The following FUT6 variants were observed in gnomAD, a reference collection of about 807,000 sequenced individuals.
The protein encoded by FUT6 is 4-galactosyl-N-acetylglucosaminide 3-alpha-L-fucosyltransferase FUT6.
For synonymous variants in FUT6, 187 were observed against 209.9 expected (o/e 0.89, Z 0.94); for missense variants, 454 against 494.6 (o/e 0.92, Z 0.78).
At position 5,830,950 on chromosome 19, in the gene FUT6, G is replaced by C. The variant is rs375251723; in HGVS notation, c.*538C>G. On this transcript the variant is annotated 3_prime_UTR_variant, in exon 3 of 3. Transcript: ENST00000318336. The stretch of plus-strand genomic sequence containing the variant: ...GTATTACATCTGGAAACGGTGCGGT[G>C]ATTATCTCTCTGCACCCCTCACAGG... The C allele has an allele frequency of 3.9e-3, 1,324 of 336,892 alleles. 39 individuals carry two copies. Among genetic ancestry groups the C allele is most frequent in the South Asian group, 0.037 (1,282 of 34,872 alleles). 20.9% of individuals were successfully genotyped at this position (336,892 alleles called of 1,614,324 possible).
At position 5,832,438 on chromosome 19, in the gene FUT6, A is replaced by T. The variant is rs1213273365; in HGVS notation, c.130T>A (p.Tyr44Asn). 7.4e-6 allele frequency: 12 copies of T among 1,613,990 alleles called. No homozygotes were observed. Among genetic ancestry groups the T allele is most frequent in the Non-Finnish European group, 9.3e-6 (11 of 1,180,014 alleles). ...LRVSQDDPTV[Y>N]PNGSRFPDST... ...TCTGGGAAGCGGGACCCATTAGGGT[A>T]CACAGTGGGATCGTCTTGAGACACA... The change falls in exon 3 of 3, where the codon TAC becomes AAC. Residue 44 changes from tyrosine to asparagine, a missense_variant. Transcript: ENST00000318336. The surrounding 1 kb of genome is among the most constrained non-coding windows in gnomAD (Gnocchi z 4.3).
In FUT6 at chr19:5,831,870, A is replaced by G. The variant is rs901237453; in HGVS notation, c.698T>C (p.Met233Thr). 1.9e-6 allele frequency: 3 copies of G among 1,613,746 alleles called. No individual in the cohort carries two copies. Among genetic ancestry groups the G allele is most frequent in the Non-Finnish European group, 2.5e-6 (3 of 1,179,866 alleles). The stretch of plus-strand genomic sequence containing the variant: ...CTTGTACCGGGACAGCGTCTCCATC[A>G]TGGTTCCCTGGGGCAGGGGCTTGTG... ...RSHKPLPQGTMMETLSRYKFY... is the reference protein window; with the variant it reads ...RSHKPLPQGTTMETLSRYKFY... The change falls in exon 3 of 3, where the codon ATG becomes ACG. Residue 233 changes from methionine (M) to threonine (T), a missense_variant. Coordinates refer to ENST00000318336, the MANE Select transcript of FUT6 (RefSeq NM_000150.4). This position sits in a 1 kb window ranked among gnomAD's most constrained non-coding sequence, Gnocchi z 7.0.
Position 5,831,287 on chromosome 19 carries a change from C to T in FUT6, c.*201G>A. 8.2e-7 allele frequency: 1 copy of T among 1,221,336 alleles called. No individual in the cohort carries two copies. The highest frequency in any genetic ancestry group is 1.2e-6 in the Non-Finnish European group (1 of 834,024). The allele number at this position is 1,221,336 out of a possible 1,614,324, so 75.7% of individuals were successfully genotyped here. A position where few individuals can be genotyped will look rare whatever the true frequency, so the allele number is the denominator to read the frequency against. ...CATACCTGGCCACCGAAGACTCCAG[C>T]AGGTGAGGCCCCAGGAAAGTGAGGA... On this transcript the variant is annotated 3_prime_UTR_variant, in exon 3 of 3. Transcript: ENST00000318336. This position sits in a 1 kb window ranked among gnomAD's most constrained non-coding sequence, Gnocchi z 7.0.
intron 2 of FUT6, 183 bp downstream of exon 2, chr19:5,834,757 ACCACTGCACT>A (rs1022675100): frequency 5.6e-4 from 85 of 152,362 alleles, no homozygotes; most frequent in African/African-American, 2.0e-3. Flanking sequence ...CCTGGATCAC[ACCACTGCACT>A]CCAGCAGCCT....
At chr19:5,833,097 G>T (rs935355428) in intron 2 of FUT6, among the ~76,000 whole-genome samples, 3 of 152,208 alleles carry the variant, frequency 2.0e-5, no homozygotes. Flanking sequence ...GGCCTAGTGG[G>T]GAGAGACCCC....
rs2057076223 is a variant in FUT6 at position 5,830,625 on chromosome 19, T to TTTTTTTA, written c.*862_*863insTAAAAAA. On this transcript the variant is annotated 3_prime_UTR_variant, in exon 3 of 3. Transcript: ENST00000318336. ...TTTTTTTTTTTTTTTTTTTTTTTTT[T>TTTTTTTA]GAGACAGAGTCTCGCTCTGTCGCCA... is the stretch of plus-strand genomic sequence containing the variant. 7.2e-6 allele frequency: 1 copy of TTTTTTTA among 138,646 alleles called. No individual in the cohort carries two copies. The highest frequency in any genetic ancestry group is 2.8e-5 in the African/African-American group (1 of 36,274). The allele number at this position is 138,646 out of a possible 1,614,324, so 8.6% of individuals were successfully genotyped here.
intron 2 of FUT6, among the ~76,000 whole-genome samples, chr19:5,833,840 A>G (rs1463089777): frequency 3.9e-5 from 6 of 152,026 alleles, no homozygotes; most frequent in African/African-American, 1.4e-4. Flanking sequence ...TTCATTCAAT[A>G]AGCACTCAGG....
chr19:5,831,501 G>A lies in FUT6; in HGVS notation c.1067C>T (p.Ala356Val), dbSNP rs1231453241. 2 of 1,614,080 alleles carry A rather than the reference G, an allele frequency of 1.2e-6. No individual in the cohort carries two copies. The highest frequency in any genetic ancestry group is 3.3e-5 in the Admixed American group (2 of 60,030). ...ESRYQTRGIA[A>V]WFT ...CACACCAGCCTCTCAGGTGAACCAAGCCGCTATGCCGCGTGTCTGGTACCT... is the reference window on the plus strand; with the variant it reads ...CACACCAGCCTCTCAGGTGAACCAAACCGCTATGCCGCGTGTCTGGTACCT... Residue 356 changes from alanine to valine, a missense_variant, in exon 3 of 3, where the codon GCT (alanine) becomes GTT (valine). Physicochemically the swap from Ala to Val is moderately conservative, Grantham distance 64 (BLOSUM62 0). Transcript: ENST00000318336. This position sits in a 1 kb window ranked among gnomAD's most constrained non-coding sequence, Gnocchi z 7.0.
Position 5,831,632 on chromosome 19 carries a change from G to A in FUT6, c.936C>T (p.His312=), listed in dbSNP as rs148596155. 1.7e-4 allele frequency: 280 copies of A among 1,613,558 alleles called. No homozygotes were observed. Among genetic ancestry groups the A allele is most frequent in the Non-Finnish European group, 1.7e-4 (196 of 1,179,984 alleles). The change falls in exon 3 of 3, where the codon CAC becomes CAT. Residue 312 remains histidine, a synonymous_variant. Coordinates refer to ENST00000318336, the MANE Select transcript of FUT6 (RefSeq NM_000150.4). The surrounding 1 kb of genome is among the most constrained non-coding windows in gnomAD (Gnocchi z 7.0). ...AGCGAAAGTAGCTCAGGTAGCGGGC[G>A]TGGTCCTTGTCCAGCTCCTGCAGGT... ...ARYLQELDKD[H]ARYLSYFRWR...
At position 5,831,025 on chromosome 19, in the gene FUT6, GGGC is replaced by G. The variant is rs1186490683; in HGVS notation, c.*460_*462del. ...CAGCCAGAACCATCACTCATGGGTG[GGGC>G]CCCATGGGTGCCAGTTCCCAGGGCC... On this transcript the variant is annotated 3_prime_UTR_variant, in exon 3 of 3. Transcript: ENST00000318336. This position sits in a 1 kb window ranked among gnomAD's most constrained non-coding sequence, Gnocchi z 7.0. The G allele has an allele frequency of 3.8e-5, 19 of 496,194 alleles. No homozygotes were observed. The Admixed American group carries it at 6.2e-4, about 16-fold the overall frequency. 30.7% of individuals were successfully genotyped at this position (496,194 alleles called of 1,614,324 possible).
chr19:5,836,414 C>T (rs1014062383), intron 1 of FUT6, among the ~76,000 whole-genome samples: 1 of 152,022 alleles, frequency 6.6e-6, no homozygotes, highest in African/African-American at 2.4e-5. Flanking sequence ...TGGGGTTTCA[C>T]CATGTTGTCC....
intron 1 of FUT6, among the ~76,000 whole-genome samples, chr19:5,837,510 G>T (rs778973520): frequency 1.3e-5 from 2 of 151,730 alleles, no homozygotes; most frequent in Non-Finnish European, 2.9e-5. Flanking sequence ...CATGCCTGTA[G>T]TCCCAGCACT....
rs775520609 is a variant in FUT6 at position 5,831,404 on chromosome 19, G to C, written c.*84C>G. 3.1e-6 allele frequency: 5 copies of C among 1,612,770 alleles called. No homozygotes were observed. The African/African-American group carries it at 4.0e-5, about 13-fold the overall frequency. On this transcript the variant is annotated 3_prime_UTR_variant, in exon 3 of 3. Coordinates refer to ENST00000318336, the MANE Select transcript of FUT6 (RefSeq NM_000150.4). This position sits in a 1 kb window ranked among gnomAD's most constrained non-coding sequence, Gnocchi z 7.0. Reference sequence around the variant, plus strand: ...CAGGCAGGTGAAGCTTCAGGCAAACGAGTCCTTAGGTAGATGAGGCCCCCA... The same window carrying C: ...CAGGCAGGTGAAGCTTCAGGCAAACCAGTCCTTAGGTAGATGAGGCCCCCA...
intron 2 of FUT6, among the ~76,000 whole-genome samples, chr19:5,833,915 T>A (rs73536626): frequency 0.073 from 11,039 of 151,842 alleles, 612 homozygotes; most frequent in African/African-American, 0.16. Context: ...GCGGATAACT[T>A]GAGGTCAAGA....
Position 5,831,266 on chromosome 19 carries a change from C to G in FUT6, c.*222G>C. On this transcript the variant is annotated 3_prime_UTR_variant, in exon 3 of 3. Transcript: ENST00000318336. The surrounding 1 kb of genome is among the most constrained non-coding windows in gnomAD (Gnocchi z 7.0). ...TGTGAAATCCCAGGTAAGGGACATA[C>G]CTGGCCACCGAAGACTCCAGCAGGT... 4.0e-6 allele frequency: 4 copies of G among 1,005,904 alleles called. No homozygotes were observed. The highest frequency in any genetic ancestry group is 2.5e-5 in the South Asian group (2 of 79,394). 62.3% of individuals were successfully genotyped at this position (1,005,904 alleles called of 1,614,324 possible).
In FUT6 at chr19:5,832,369, ACAG is replaced by A; in HGVS notation, c.196_198del (p.Leu66del). ...ATGGGTTTGTTAAAAGGCCACGTCC[ACAG>A]CAGGATCAGGGGGATGGAGTGGGCG... On this transcript the variant is annotated inframe_deletion, in exon 3 of 3. Transcript: ENST00000318336. The surrounding 1 kb of genome is among the most constrained non-coding windows in gnomAD (Gnocchi z 4.3). 2 of 1,614,116 alleles carry A rather than the reference ACAG, an allele frequency of 1.2e-6. No individual in the cohort carries two copies. Among genetic ancestry groups the A allele is most frequent in the Non-Finnish European group, 1.7e-6 (2 of 1,180,024 alleles).
At position 5,832,805 on chromosome 19, in the gene FUT6, A is replaced by G. The variant is rs2057125476; in HGVS notation, c.-12-226T>C. ...CCATTAGACAACAGGCCCTTTCTAC[A>G]TGGGCAAGGGTCCCTGGGGAAGTTG... On this transcript the variant is annotated intron_variant, in intron 2 of 2. Transcript: ENST00000318336. The surrounding 1 kb of genome is among the most constrained non-coding windows in gnomAD (Gnocchi z 4.3). 1.8e-6 allele frequency: 1 copy of G among 559,094 alleles called. No individual in the cohort carries two copies. The allele number at this position is 559,094 out of a possible 1,614,324, so 34.6% of individuals were successfully genotyped here.
chr19:5,835,361 T>G (rs1262028318), intron 1 of FUT6, among the ~76,000 whole-genome samples: 1 of 152,180 alleles, frequency 6.6e-6, no homozygotes, highest in Non-Finnish European at 1.5e-5. Context: ...TGTGTCCTGC[T>G]GAGTACACAC....
chr19:5,831,924 T>C lies in FUT6; in HGVS notation c.644A>G (p.His215Arg), dbSNP rs781384523. ...RVRYYQSLQA[H>R]LKVDVYGRSH... ...GCGTCCGTACACGTCCACCTTGAGA[T>C]GGGCCTGCAGGCTCTGGTAGTAGCG... is the stretch of plus-strand genomic sequence containing the variant. Residue 215 changes from histidine (H) to arginine (R), a missense_variant, in exon 3 of 3, where the codon CAT becomes CGT. Coordinates refer to ENST00000318336, the MANE Select transcript of FUT6 (RefSeq NM_000150.4). The surrounding 1 kb of genome is among the most constrained non-coding windows in gnomAD (Gnocchi z 7.0). The C allele has an allele frequency of 6.2e-7, 1 of 1,613,928 alleles. No homozygotes were observed.
Sources: gnomAD v4.1 joint callset for allele counts (sites outside exome capture counted in the v4.1 genomes callset) on GRCh38, gnomAD v4.1.1 for gene constraint, Gnocchi (gnomAD v3.1) non-coding constraint, MANE v1.5 for transcripts, NCBI Gene and HGNC (gene_info 2026-07-23, HGNC 2026-07-21) for gene names.